Variants in XPO1 observed in about 807,000 individuals in gnomAD.
The protein encoded by XPO1 is exportin-1.
A neutral mutation model predicts 133.3 loss-of-function variants in XPO1; 5 were observed. That is an observed-to-expected ratio of 0.04 (90% confidence interval 0.02 to 0.08). The LOEUF is 0.08. XPO1 is among the 10% of genes least tolerant of loss of function. The pLI, the probability that XPO1 is intolerant of heterozygous loss-of-function variation, is 1.00. For synonymous variants in XPO1, 419 were observed against 408.2 expected (o/e 1.03, Z -0.32); for missense variants, 506 against 1,267.5 (o/e 0.40, Z 9.12).
chr2:61,507,125 A>C (rs1697861710), intron 4 of XPO1, among the ~76,000 whole-genome samples: 1 of 151,302 alleles, frequency 6.6e-6, no homozygotes, highest in African/African-American at 2.4e-5. Flanking sequence ...ATGCGCCTGT[A>C]GTCCCAGCTA....
chr2:61,531,945 T>C (rs572553337), intron 2 of XPO1, among the ~76,000 whole-genome samples: 1 of 152,184 alleles, frequency 6.6e-6, no homozygotes, highest in Non-Finnish European at 1.5e-5. Flanking sequence ...ACTTTTAGCG[T>C]TTCCATGGAC....
upstream of XPO1, chr2:61,538,546 G>A (rs765708950): frequency 4.6e-4 from 70 of 152,922 alleles, no homozygotes; most frequent in South Asian, 1.2e-3. Context: ...GGGGAGGGTC[G>A]AAAGGCAAGA....
rs561303018 is a variant in XPO1, at chr2:61,487,337, A to G, written c.2313+828T>C. Among the ~76,000 whole-genome samples the G allele has an allele frequency of 4.6e-5, 7 of 152,182 alleles. No homozygotes were observed. In the South Asian group the frequency reaches 8.3e-4, roughly 18 times the overall value. Reference sequence around the variant, plus strand: ...ACAAACATCACAATTCCTTCAATACATCTTACTTTCTGCTTTCAAATTTTA... The same window carrying G: ...ACAAACATCACAATTCCTTCAATACGTCTTACTTTCTGCTTTCAAATTTTA... On this transcript the variant is annotated intron_variant, in intron 19 of 24. Coordinates refer to ENST00000401558, the MANE Select transcript of XPO1 (RefSeq NM_003400.4).
intron 19 of XPO1, among the ~76,000 whole-genome samples, chr2:61,487,179 CA>C (rs1461841013): frequency 2.0e-5 from 3 of 151,928 alleles, no homozygotes; most frequent in Non-Finnish European, 4.4e-5. Flanking sequence ...CGTGAAAAGC[CA>C]AGACAAGGAA....
intron 4 of XPO1, among the ~76,000 whole-genome samples, chr2:61,518,543 G>C (rs763324995): frequency 6.6e-6 from 1 of 151,096 alleles, no homozygotes; most frequent in Non-Finnish European, 1.5e-5. Flanking sequence ...TGTGAAACCG[G>C]GAGGCAGAGC....
intron 2 of XPO1, among the ~76,000 whole-genome samples, chr2:61,530,015 C>T (rs972060625): frequency 1.3e-5 from 2 of 152,006 alleles, no homozygotes; most frequent in South Asian, 2.1e-4. Context: ...GACAGAAGGC[C>T]GAAAGAATAA....
chr2:61,509,071 G>A (rs1426144065), intron 4 of XPO1, among the ~76,000 whole-genome samples: 3 of 151,164 alleles, frequency 2.0e-5, no homozygotes, highest in African/African-American at 4.8e-5. Flanking sequence ...TGCTATCTCC[G>A]CTCACTGCAA....
At position 61,482,479 on chromosome 2, in the gene XPO1, A is replaced by T; in HGVS notation, c.2873T>A (p.Ile958Lys). ...ATTTCCAGGATTTAATGATGTACTT[A>T]TTTTTCCTTCTTCAACCAAATTAAA... ...YMFNLVEEGKISTSLNPGNPV... is the reference protein window; with the variant it reads ...YMFNLVEEGKKSTSLNPGNPV... The change falls in exon 23 of 25, where the codon ATA becomes AAA. Residue 958 changes from isoleucine to lysine, a missense_variant. By Grantham distance (102) the Ile-to-Lys change is moderately radical (BLOSUM62 -3). This residue lies in a region of XPO1 where 203 missense variants were observed against 365.9 expected (regional missense o/e 0.55). Transcript: ENST00000401558. 6.2e-7 allele frequency: 1 copy of T among 1,613,200 alleles called. No homozygotes were observed. The highest frequency in any genetic ancestry group is 8.5e-7 in the Non-Finnish European group (1 of 1,179,710).
At chr2:61,519,045 G>C (rs1698554040) in intron 4 of XPO1, among the ~76,000 whole-genome samples, 2 of 152,034 alleles carry the variant, frequency 1.3e-5, no homozygotes, top group Admixed American at 6.6e-5. Context: ...CCGCCTCCCG[G>C]GTTCAAGCAA....
intron 4 of XPO1, among the ~76,000 whole-genome samples, chr2:61,505,052 C>T (rs1404573367): frequency 6.6e-6 from 1 of 152,066 alleles, no homozygotes; most frequent in Non-Finnish European, 1.5e-5. Flanking sequence ...GGTCTGTTGC[C>T]CACACTAGAA....
At chr2:61,482,794 T>C (rs1378224472) in intron 22 of XPO1, 163 bp downstream of exon 22, 2 of 859,660 alleles carry the variant, frequency 2.3e-6, no homozygotes, top group Non-Finnish European at 3.5e-6. Flanking sequence ...TTTTATTTTT[T>C]TATGGTATTT....
chr2:61,520,427 G>A (rs1012581341), intron 4 of XPO1, among the ~76,000 whole-genome samples: 5 of 151,946 alleles, frequency 3.3e-5, no homozygotes, highest in African/African-American at 1.2e-4. Context: ...TGGGAGGATT[G>A]CTCAAGCCCA....
intron 5 of XPO1, 89 bp downstream of exon 5, chr2:61,502,160 C>T (rs1476777005): frequency 2.0e-6 from 3 of 1,529,870 alleles, no homozygotes; most frequent in Admixed American, 3.7e-5. Context: ...ATATGTGTGA[C>T]TATGTGTCTT....
At chr2:61,517,362 T>G (rs1007931967) in intron 4 of XPO1, among the ~76,000 whole-genome samples, 2 of 152,144 alleles carry the variant, frequency 1.3e-5, no homozygotes, top group African/African-American at 4.8e-5. Flanking sequence ...GGTTGGAGCA[T>G]CACTTGAGGC....
Position 61,491,459 on chromosome 2 carries a change from A to AACACAAACAAACACACACACACAC in XPO1, c.1887+575_1887+576insGTGTGTGTGTGTGTTTGTTTGTGT, listed in dbSNP as rs1696983549. On this transcript the variant is annotated intron_variant, in intron 16 of 24. Coordinates refer to ENST00000401558, the MANE Select transcript of XPO1 (RefSeq NM_003400.4). ...GAGTGAAACTCCATCTCAAAAAACA[A>AACACAAACAAACACACACACACAC]ACACACACACACACACACACACACA... 2.8e-5 allele frequency among the ~76,000 whole-genome samples: 4 copies of AACACAAACAAACACACACACACAC among 143,010 alleles called. No homozygotes were observed. In the Admixed American group the frequency reaches 2.8e-4, roughly 10 times the overall value. 93.8% of individuals were successfully genotyped at this position (143,010 alleles called of 152,430 possible).
intron 2 of XPO1, among the ~76,000 whole-genome samples, chr2:61,532,214 G>A (rs551429328): frequency 3.9e-4 from 60 of 152,088 alleles, no homozygotes; most frequent in African/African-American, 1.4e-3. Context: ...TGCAAGCTCC[G>A]CCTCCCGGGT....
At chr2:61,522,311 C>T (rs1573209838) in intron 4 of XPO1, among the ~76,000 whole-genome samples, 1 of 152,174 alleles carries the variant, frequency 6.6e-6, no homozygotes. Context: ...CTTGCCTCGG[C>T]CTCCTGAAGT....
At chr2:61,519,090 A>G (rs1024789875) in intron 4 of XPO1, among the ~76,000 whole-genome samples, 1 of 152,114 alleles carries the variant, frequency 6.6e-6, no homozygotes, top group African/African-American at 2.4e-5. Flanking sequence ...AGCTGGGATT[A>G]CAGGCATGTG....
chr2:61,518,465 A>C lies in XPO1; in HGVS notation c.301+4146T>G, dbSNP rs1169287934. Among the ~76,000 whole-genome samples the C allele has an allele frequency of 4.8e-5, 6 of 124,680 alleles. No homozygotes were observed. In the South Asian group the frequency reaches 1.5e-3, roughly 32 times the overall value. The allele number at this position is 124,680 out of a possible 152,430, so 81.8% of individuals were successfully genotyped here. A position where few individuals can be genotyped will look rare whatever the true frequency, so the allele number is the denominator to read the frequency against. On this transcript the variant is annotated intron_variant, in intron 4 of 24. Coordinates refer to ENST00000401558, the MANE Select transcript of XPO1 (RefSeq NM_003400.4). ...ACACACACACACACACACACACACA[A>C]AGTTAGCCGGGCGTGGTGGCAGGCG...
Sources: gnomAD v4.1 joint callset for allele counts (sites outside exome capture counted in the v4.1 genomes callset) on GRCh38, gnomAD v4.1.1 for gene constraint, gnomAD v4.1.1 regional missense constraint, MANE v1.5 for transcripts, NCBI Gene and HGNC (gene_info 2026-07-23, HGNC 2026-07-21) for gene names.